TRPM6: variants seen among roughly 807,000 people sequenced by gnomAD.
TRPM6 encodes transient receptor potential cation channel subfamily M member 6, also known as channel kinase 2.
TRPM6 carries 111 observed loss-of-function variants against 247.6 expected under a neutral mutation model. The ratio of observed to expected loss-of-function variants is 0.45; its 90% confidence interval spans 0.38 to 0.52. The LOEUF (loss-of-function observed/expected upper bound fraction) is 0.52, where lower values mean the gene tolerates loss of function less well. TRPM6 is among the 20% of genes least tolerant of loss of function. The pLI is 0.00. For synonymous variants in TRPM6, 892 were observed against 853.8 expected (o/e 1.04, Z -0.78); for missense variants, 2,126 against 2,421.5 (o/e 0.88, Z 2.56).
intron 14 of TRPM6, among the ~76,000 whole-genome samples, chr9:74,805,524 G>A (rs752137420): frequency 6.6e-5 from 10 of 152,188 alleles, no homozygotes; most frequent in Non-Finnish European, 1.5e-4. Context: ...GGAGGCCATA[G>A]AACTGAGATG....
rs188619721 is a variant in TRPM6 at position 74,782,707 on chromosome 9, G to A, written c.3066C>T (p.Tyr1022=). 4.7e-5 allele frequency: 76 copies of A among 1,614,114 alleles called. No individual in the cohort carries two copies. The highest frequency in any genetic ancestry group is 2.5e-4 in the East Asian group (11 of 44,882). ...CTATTTCTCCAGCATAGACTTCTCC[G>A]TATATCATCCAGTATGGCTCAAATA... ...DIVFEPYWMI[Y]GEVYAGEIDV... Residue 1022 remains tyrosine (Y), a synonymous_variant, in exon 22 of 39, where the codon TAC becomes TAT. Transcript: ENST00000360774.
At chr9:74,732,764 G>A (rs1192059316) in intron 36 of TRPM6, 28 bp from the exon 37 acceptor site, 2 of 1,550,102 alleles carry the variant, frequency 1.3e-6, no homozygotes, top group Non-Finnish European at 1.8e-6. Flanking sequence ...AATTCGTTTA[G>A]CAAATGGAGA....
chr9:74,728,303 A>G lies in TRPM6; in HGVS notation c.5871T>C (p.Asp1957=). Residue 1957 remains aspartate (D), a synonymous_variant, in exon 38 of 39, where the codon GAT becomes GAC. Transcript: ENST00000360774. ...MVFGPANLGE[D]AIRNFIAKHH... ...GTTTTGCAATGAAGTTTCTAATTGC[A>G]TCTTCCCCCAAATTGGCCGGTCCAA... 2 of 1,614,170 alleles carry G rather than the reference A, an allele frequency of 1.2e-6. No individual in the cohort carries two copies. Among genetic ancestry groups the G allele is most frequent in the East Asian group, 2.2e-5 (1 of 44,886 alleles).
intron 38 of TRPM6, among the ~76,000 whole-genome samples, chr9:74,727,381 CAAAAA>C (rs763828073): frequency 3.8e-5 from 2 of 52,240 alleles, no homozygotes; most frequent in Admixed American, 1.9e-4. Flanking sequence ...GACTCCGTCT[CAAAAA>C]AAAAAAAAAA....
At chr9:74,839,709 A>T (rs1235276409) in intron 5 of TRPM6, among the ~76,000 whole-genome samples, 2 of 151,954 alleles carry the variant, frequency 1.3e-5, no homozygotes, top group African/African-American at 4.8e-5. Flanking sequence ...AAAATCTATG[A>T]TTCTTCTGGG....
intron 23 of TRPM6, among the ~76,000 whole-genome samples, chr9:74,776,859 ATTC>A (rs992975051): frequency 2.6e-5 from 4 of 152,354 alleles, no homozygotes; most frequent in East Asian, 1.9e-4. Flanking sequence ...TTTTAAAACA[ATTC>A]TTCTTCTTGC....
At chr9:74,830,616 G>A (rs1293477909) in intron 6 of TRPM6, among the ~76,000 whole-genome samples, 1 of 151,744 alleles carries the variant, frequency 6.6e-6, no homozygotes, top group Admixed American at 6.6e-5. Flanking sequence ...TTACTCTGTT[G>A]CCCAGGCTGG....
At chr9:74,874,533 C>T (rs947276089) in intron 1 of TRPM6, among the ~76,000 whole-genome samples, 1 of 152,148 alleles carries the variant, frequency 6.6e-6, no homozygotes, top group Non-Finnish European at 1.5e-5. Context: ...AACTCCAGAA[C>T]AGGTTTCCAT....
At chr9:74,869,040 G>A (rs1830942281) in intron 1 of TRPM6, among the ~76,000 whole-genome samples, 1 of 152,124 alleles carries the variant, frequency 6.6e-6, no homozygotes, top group Admixed American at 6.6e-5. Flanking sequence ...AAGAAAAACT[G>A]ATAAGACATA....
rs1162070529 is a variant in TRPM6, at chr9:74,750,673, C to T, written c.5048G>A (p.Arg1683Lys). ...LWNSRSTNLN[R>K]NSLLKSSIGV... ...ATTTAGAAATACTCACAGGGAGTTC[C>T]TATTGAGGTTGGTGCTCCTGGAATT... Residue 1683 changes from arginine (R) to lysine (K), a missense_variant, in exon 30 of 39, where the codon AGG becomes AAG. Arg to Lys is a conservative substitution (Grantham distance 26). Transcript: ENST00000360774. 3 of 1,613,640 alleles carry T rather than the reference C, an allele frequency of 1.9e-6. No individual in the cohort carries two copies. The African/African-American group carries it at 4.0e-5, about 22-fold the overall frequency.
intron 19 of TRPM6, among the ~76,000 whole-genome samples, chr9:74,790,236 C>T (rs2118963470): frequency 6.6e-6 from 1 of 151,956 alleles, no homozygotes; most frequent in Non-Finnish European, 1.5e-5. Context: ...GATATTAGTG[C>T]CTATGATTTA....
At chr9:74,860,509 C>A (rs1038003545) in intron 1 of TRPM6, among the ~76,000 whole-genome samples, 2 of 151,972 alleles carry the variant, frequency 1.3e-5, no homozygotes, top group Non-Finnish European at 2.9e-5. Flanking sequence ...TAGGCATGCA[C>A]CAGCATGCCT....
chr9:74,872,027 ATTTT>A (rs879517268), intron 1 of TRPM6, among the ~76,000 whole-genome samples: 1 of 151,702 alleles, frequency 6.6e-6, no homozygotes, highest in Non-Finnish European at 1.5e-5. Context: ...TAATTTTTGT[ATTTT>A]TAGTAGAGAC....
chr9:74,804,457 A>T, intron 14 of TRPM6: 1 of 607,176 alleles, frequency 1.6e-6, no homozygotes, highest in South Asian at 1.8e-5. Flanking sequence ...CTAACATAAA[A>T]TATGATAAAA....
rs35586777 is a variant in TRPM6, at chr9:74,867,853, T to TA, written c.34-9106dup. Among the ~76,000 whole-genome samples the TA allele has an allele frequency of 4.0e-5, 6 of 151,822 alleles. No homozygotes were observed. In the South Asian group the frequency reaches 6.2e-4, roughly 16 times the overall value. ...AGAATAATAGGTTTATTCATTCATT[T>TA]AAAAAAAAATACTTTGATGGCCAGA... On this transcript the variant is annotated intron_variant, in intron 1 of 38. Transcript: ENST00000360774.
intron 1 of TRPM6, among the ~76,000 whole-genome samples, chr9:74,882,951 G>A (rs765160440): frequency 6.6e-6 from 1 of 152,174 alleles, no homozygotes; most frequent in East Asian, 1.9e-4. Flanking sequence ...TCACATTGTT[G>A]TGCGGCCAAT....
chr9:74,774,766 A>G (rs1827160372), intron 24 of TRPM6, among the ~76,000 whole-genome samples: 2 of 152,238 alleles, frequency 1.3e-5, no homozygotes, highest in Admixed American at 1.3e-4. Context: ...AGATTAAAGC[A>G]ATCCCTAAAA....
At position 74,816,933 on chromosome 9, in the gene TRPM6, T is replaced by C; in HGVS notation, c.1166A>G (p.Gln389Arg). 1 of 1,614,190 alleles carries C rather than the reference T, an allele frequency of 6.2e-7. No homozygotes were observed. The highest frequency in any genetic ancestry group is 1.6e-4 in the Middle Eastern group (1 of 6,062). ...ITIFDADSEE[Q>R]QDLDLAILTA... Reference sequence around the variant, plus strand: ...TAGGATTGCTAAGTCCAGGTCTTGCTGCTCTTCAGAGTCAGCATCAAATAT... The same window carrying C: ...TAGGATTGCTAAGTCCAGGTCTTGCCGCTCTTCAGAGTCAGCATCAAATAT... Residue 389 changes from glutamine (Q) to arginine (R), a missense_variant, in exon 10 of 39, where the codon CAG becomes CGG. By Grantham distance (43) the Gln-to-Arg change is conservative. Coordinates refer to ENST00000360774, the MANE Select transcript of TRPM6 (RefSeq NM_017662.5).
chr9:74,837,314 G>C (rs1322173732), intron 5 of TRPM6, among the ~76,000 whole-genome samples: 3 of 152,166 alleles, frequency 2.0e-5, no homozygotes, highest in Admixed American at 1.3e-4. Flanking sequence ...TCTGGGGTGG[G>C]GCCTGAAATA....
Sources: allele counts gnomAD v4.1 joint callset (sites outside exome capture counted in the v4.1 genomes callset), GRCh38; gene constraint gnomAD v4.1.1; transcripts MANE v1.5; gene names NCBI Gene and HGNC (gene_info 2026-07-23, HGNC 2026-07-21).